DEPDC1B: variants seen among roughly 807,000 people sequenced by gnomAD.
DEPDC1B encodes DEP domain-containing protein 1B.
Under a neutral mutation model 66.5 loss-of-function variants are expected in DEPDC1B, and 51 were observed. The ratio of observed to expected loss-of-function variants is 0.77; its 90% CI spans 0.61 to 0.97. DEPDC1B has a LOEUF of 0.97. DEPDC1B is among the 50% of genes least tolerant of loss of function. DEPDC1B has a pLI of 0.00. For synonymous variants in DEPDC1B, 226 were observed against 223.6 expected, an observed-to-expected ratio of 1.01 and a Z score of -0.10; for missense variants, 552 against 637.1, an observed-to-expected ratio of 0.87 and a Z score of 1.44.
At chr5:60,617,668 G>C (rs989703041) in intron 7 of DEPDC1B, among the ~76,000 whole-genome samples, 1 of 152,154 alleles carries the variant, frequency 6.6e-6, no homozygotes, top group African/African-American at 2.4e-5. Context: ...AAGAGACGTA[G>C]ACTCCCACAC....
chr5:60,620,320 A>T (rs1376580272), intron 7 of DEPDC1B, among the ~76,000 whole-genome samples: 4 of 152,252 alleles, frequency 2.6e-5, no homozygotes, highest in Admixed American at 6.5e-5. Flanking sequence ...GCTTCTGCAC[A>T]GCAAAAGCAA....
At chr5:60,614,374 T>G (rs1393176640) in intron 7 of DEPDC1B, among the ~76,000 whole-genome samples, 2 of 152,204 alleles carry the variant, frequency 1.3e-5, no homozygotes, top group Non-Finnish European at 2.9e-5. Flanking sequence ...TTTTGTGTTT[T>G]GTTTTGTTTA....
At chr5:60,603,266 T>A (rs1244205546) in intron 9 of DEPDC1B, 125 bp downstream of exon 9, 1 of 829,224 alleles carries the variant, frequency 1.2e-6, no homozygotes, top group African/African-American at 1.7e-5. Context: ...TGCCAAGACC[T>A]GTTGTAAGTA....
At chr5:60,645,366 C>T in intron 4 of DEPDC1B, 126 bp downstream of exon 4, 1 of 952,212 alleles carries the variant, frequency 1.1e-6, no homozygotes, top group Non-Finnish European at 1.5e-6. Flanking sequence ...CTGATCACAA[C>T]TGCAAATAAT....
rs755323970 is a variant in DEPDC1B at position 60,687,216 on chromosome 5, G to A, written c.60C>T (p.Thr20=). The change falls in exon 2 of 11, where the codon ACC becomes ACT. Residue 20 remains threonine, a synonymous_variant. Coordinates refer to ENST00000265036, the MANE Select transcript of DEPDC1B (RefSeq NM_018369.3). ...PYRATRLWNE[T]VELFRAKMPL... ...GCATCTTAGCACGAAAAAGCTCCAC[G>A]GTCTCATTCCACTAGGGGAAAGAAA... The A allele has an allele frequency of 5.0e-5, 80 of 1,609,054 alleles. 2 individuals carry two copies. In the Middle Eastern group the frequency reaches 2.1e-3, roughly 43 times the overall value.
At chr5:60,615,134 T>A (rs1392267006) in intron 7 of DEPDC1B, among the ~76,000 whole-genome samples, 2 of 152,124 alleles carry the variant, frequency 1.3e-5, no homozygotes, top group African/African-American at 4.8e-5. Flanking sequence ...ATCAAAGGCA[T>A]CCCAAGTTTA....
intron 6 of DEPDC1B, 129 bp from the exon 7 acceptor site, chr5:60,639,019 G>T: frequency 1.0e-6 from 1 of 972,578 alleles, no homozygotes; most frequent in Non-Finnish European, 1.5e-6. Flanking sequence ...TTTTTATGGG[G>T]AAAATTGACA....
intron 2 of DEPDC1B, among the ~76,000 whole-genome samples, chr5:60,679,363 A>C (rs1754240839): frequency 6.6e-6 from 1 of 152,198 alleles, no homozygotes; most frequent in African/African-American, 2.4e-5. Context: ...AGAACTGTGA[A>C]AGTAACATTA....
intron 2 of DEPDC1B, among the ~76,000 whole-genome samples, chr5:60,670,988 A>C (rs2111984591): frequency 6.6e-6 from 1 of 152,266 alleles, no homozygotes; most frequent in South Asian, 2.1e-4. Flanking sequence ...CACTTCCTGG[A>C]GATCTACATG....
intron 2 of DEPDC1B, among the ~76,000 whole-genome samples, chr5:60,652,066 G>A (rs1344023304): frequency 6.7e-6 from 1 of 149,558 alleles, no homozygotes; most frequent in Non-Finnish European, 1.5e-5. Flanking sequence ...CTTTGAGGGA[G>A]GGGTAAAGGG....
rs552904924 is a variant in DEPDC1B, at chr5:60,635,998, G to A, written c.898+2752C>T. Among the ~76,000 whole-genome samples, 3 of 152,234 alleles carry A rather than the reference G, an allele frequency of 2.0e-5. No individual in the cohort carries two copies. The East Asian group carries it at 5.8e-4, about 29-fold the overall frequency. On this transcript the variant is annotated intron_variant, in intron 7 of 10. Coordinates refer to ENST00000265036, the MANE Select transcript of DEPDC1B (RefSeq NM_018369.3). ...CAAAACAGTCTACCCTGCTCCTGTAGCCTTTTCTGCTTCCTATCTGCCTCC... is the reference window on the plus strand; with the variant it reads ...CAAAACAGTCTACCCTGCTCCTGTAACCTTTTCTGCTTCCTATCTGCCTCC...
At chr5:60,627,554 C>G (rs1752832098) in intron 7 of DEPDC1B, among the ~76,000 whole-genome samples, 1 of 152,008 alleles carries the variant, frequency 6.6e-6, no homozygotes, top group African/African-American at 2.4e-5. Context: ...ACAATCTCAA[C>G]ATCATCATCA....
chr5:60,681,718 T>G (rs968348549), intron 2 of DEPDC1B, among the ~76,000 whole-genome samples: 1 of 151,736 alleles, frequency 6.6e-6, no homozygotes, highest in Admixed American at 6.6e-5. Flanking sequence ...GGAAGCTCAA[T>G]AAGATACAAA....
At chr5:60,697,867 C>T (rs1344948972) in intron 1 of DEPDC1B, among the ~76,000 whole-genome samples, 1 of 152,082 alleles carries the variant, frequency 6.6e-6, no homozygotes, top group Non-Finnish European at 1.5e-5. Flanking sequence ...TTCTAGAGAG[C>T]AGAGAGCACC....
Position 60,605,785 on chromosome 5 carries a change from T to C in DEPDC1B, c.970A>G (p.Arg324Gly). Residue 324 changes from arginine (R) to glycine (G), a missense_variant, in exon 8 of 11, where the codon AGG (arginine) becomes GGG (glycine). Transcript: ENST00000265036. ...CTCATCAATAGCTGTAACTTTCTCC[T>C]ATTTTCAGGAGGTAGGAGAAGGCAG... ...ICCLLLPPEN[R>G]RKLQLLMRMM... The C allele has an allele frequency of 1.9e-6, 3 of 1,613,728 alleles. No individual in the cohort carries two copies. The highest frequency in any genetic ancestry group is 1.1e-5 in the South Asian group (1 of 91,018).
chr5:60,598,862 G>A (rs372347236), intron 10 of DEPDC1B, among the ~76,000 whole-genome samples: 30 of 152,222 alleles, frequency 2.0e-4, no homozygotes, highest in African/African-American at 7.0e-4. Context: ...GAAGAGTTTG[G>A]CAATGGTAAC....
At position 60,700,045 on chromosome 5, in the gene DEPDC1B, C is replaced by T; in HGVS notation, c.48+1G>A. The T allele has an allele frequency of 1.3e-6, 2 of 1,557,078 alleles. No individual in the cohort carries two copies. The highest frequency in any genetic ancestry group is 1.7e-6 in the Non-Finnish European group (2 of 1,152,102). On this transcript the variant is annotated splice_donor_variant, in intron 1 of 10. Coordinates refer to ENST00000265036, the MANE Select transcript of DEPDC1B (RefSeq NM_018369.3). LOFTEE classifies it high-confidence loss of function. The stretch of plus-strand genomic sequence containing the variant: ...GCCCAGGCCCCAGCACACTCACTCA[C>T]CAGCCTGGTAGCTCGGTACGGCCCG...
At chr5:60,681,382 C>A (rs979992748) in intron 2 of DEPDC1B, among the ~76,000 whole-genome samples, 2 of 152,200 alleles carry the variant, frequency 1.3e-5, no homozygotes, top group Non-Finnish European at 2.9e-5. Context: ...GAGGAACTCA[C>A]AGACACCACT....
chr5:60,603,900 C>G (rs1434557038), intron 8 of DEPDC1B, among the ~76,000 whole-genome samples: 1 of 151,246 alleles, frequency 6.6e-6, no homozygotes, highest in Non-Finnish European at 1.5e-5. Flanking sequence ...AAATCATTAT[C>G]ACCATGACTT....
Sources: allele counts gnomAD v4.1 joint callset (sites outside exome capture counted in the v4.1 genomes callset), GRCh38; gene constraint gnomAD v4.1.1; transcripts MANE v1.5; gene names NCBI Gene and HGNC (gene_info 2026-07-23, HGNC 2026-07-21).